The following COMMD10 variants were observed in gnomAD, a reference collection of about 807,000 sequenced individuals.
The protein encoded by COMMD10 is COMM domain containing 10, also known as COMM domain-containing protein 10.
Under a neutral mutation model 28.9 loss-of-function variants are expected in COMMD10, and 33 were observed. The observed-to-expected ratio is 1.14, with a 90% CI of 0.87 to 1.53. The LOEUF (loss-of-function observed/expected upper bound fraction) is 1.53, where lower values mean the gene tolerates loss of function less well. Ranked by LOEUF, COMMD10 falls within the 40% of genes most tolerant of loss-of-function variation. The probability of loss-of-function intolerance (pLI) is 0.00; values close to 1 mark genes in which losing one functional copy is unlikely to be tolerated. For missense variants in COMMD10, 310 were observed against 233.4 expected (o/e 1.33, Z -2.14); for synonymous variants, 110 against 81.7 (o/e 1.35, Z -1.87).
rs184700895 is a variant in COMMD10 at position 116,229,086 on chromosome 5, G to A, written c.511-62431G>A. Among the ~76,000 whole-genome samples the A allele has an allele frequency of 8.1e-3, 1,234 of 152,036 alleles. 23 individuals carry two copies. Among genetic ancestry groups the A allele is most frequent in the African/African-American group, 0.028 (1,157 of 41,482 alleles). On this transcript the variant is annotated intron_variant, in intron 5 of 6. Coordinates refer to ENST00000274458, the MANE Select transcript of COMMD10 (RefSeq NM_016144.4). Reference sequence around the variant, plus strand: ...CGTCTTTACATTTAGGCATAAAAGAGGGAGTACATAGAGAGCATTTATAAT... The same window carrying A: ...CGTCTTTACATTTAGGCATAAAAGAAGGAGTACATAGAGAGCATTTATAAT...
chr5:116,262,691 C>CCTA (rs1750481452), intron 5 of COMMD10, among the ~76,000 whole-genome samples: 1 of 151,750 alleles, frequency 6.6e-6, no homozygotes, highest in African/African-American at 2.4e-5. Context: ...AGATACAATG[C>CCTA]CTAAGCATTT....
chr5:116,215,792 T>A (rs1231715075), intron 5 of COMMD10, among the ~76,000 whole-genome samples: 1 of 149,598 alleles, frequency 6.7e-6, no homozygotes, highest in African/African-American at 2.4e-5. Flanking sequence ...TTTCTCCTCT[T>A]CTCATTTGTT....
intron 4 of COMMD10, among the ~76,000 whole-genome samples, chr5:116,130,293 G>T (rs7726794): frequency 0.2 from 30,831 of 151,756 alleles, 5,065 homozygotes; most frequent in African/African-American, 0.46. Flanking sequence ...TAGAATCTTA[G>T]GTGGTAGTCA....
chr5:116,140,335 T>C (rs72804838), intron 5 of COMMD10, among the ~76,000 whole-genome samples: 4,018 of 151,678 alleles, frequency 0.026, 80 homozygotes, highest in Non-Finnish European at 0.039. Flanking sequence ...ATTTATCCAT[T>C]GATAGATAGT....
chr5:116,094,972 A>G (rs916936577), intron 4 of COMMD10, among the ~76,000 whole-genome samples: 1 of 152,204 alleles, frequency 6.6e-6, no homozygotes, highest in Non-Finnish European at 1.5e-5. Flanking sequence ...AGTTGATGTC[A>G]TGGAGGTAGA....
chr5:116,132,665 G>A lies in COMMD10; in HGVS notation c.400-1403G>A, dbSNP rs138001581. Among the ~76,000 whole-genome samples, 655 of 152,210 alleles carry A rather than the reference G, an allele frequency of 4.3e-3. 2 individuals carry two copies. The highest frequency in any genetic ancestry group is 6.8e-3 in the African/African-American group (282 of 41,562). The stretch of plus-strand genomic sequence containing the variant: ...GCTTTTCAATTAAGACGGCATGTAT[G>A]CCAGTGCTTTTTTATATATGAGAAT... On this transcript the variant is annotated intron_variant, in intron 4 of 6. Transcript: ENST00000274458.
chr5:116,205,054 G>C (rs1748776200), intron 5 of COMMD10, among the ~76,000 whole-genome samples: 1 of 152,124 alleles, frequency 6.6e-6, no homozygotes, highest in African/African-American at 2.4e-5. Flanking sequence ...TGACTGCCAA[G>C]CTCCAGCCGC....
Position 116,097,001 on chromosome 5 carries a change from T to C in COMMD10, c.399+4301T>C, listed in dbSNP as rs144819427. Among the ~76,000 whole-genome samples, 1,111 of 152,230 alleles carry C rather than the reference T, an allele frequency of 7.3e-3. 16 individuals carry two copies. The highest frequency in any genetic ancestry group is 0.026 in the African/African-American group (1,081 of 41,566). ...CGTTTTTTTCCTTGCACTTTAGTAG[T>C]CATAACAATTAAAAATATTTTTGTT... On this transcript the variant is annotated intron_variant, in intron 4 of 6. Coordinates refer to ENST00000274458, the MANE Select transcript of COMMD10 (RefSeq NM_016144.4).
intron 5 of COMMD10, among the ~76,000 whole-genome samples, chr5:116,200,654 G>A (rs73257286): frequency 1.3e-5 from 2 of 151,682 alleles, no homozygotes; most frequent in Non-Finnish European, 2.9e-5. Flanking sequence ...GAAGTTTTCT[G>A]TTGAGATATT....
chr5:116,134,419 A>T (rs949358827), intron 5 of COMMD10, among the ~76,000 whole-genome samples: 5 of 152,124 alleles, frequency 3.3e-5, no homozygotes, highest in Non-Finnish European at 5.9e-5. Context: ...GACCATATAA[A>T]ATTATGATTT....
Position 116,292,722 on chromosome 5 carries a change from C to T in COMMD10, c.*233C>T, listed in dbSNP as rs1271782025. 1 of 418,208 alleles carries T rather than the reference C, an allele frequency of 2.4e-6. No homozygotes were observed. Among genetic ancestry groups the T allele is most frequent in the Non-Finnish European group, 4.2e-6 (1 of 236,640 alleles). 25.9% of individuals were successfully genotyped at this position (418,208 alleles called of 1,614,324 possible). A position where few individuals can be genotyped will look rare whatever the true frequency, so the allele number is the denominator to read the frequency against. The stretch of plus-strand genomic sequence containing the variant: ...CAACAGTAATTATTAAGAACACTTT[C>T]CCTTTAAAGGAAACAAAAGTGAATA... On this transcript the variant is annotated 3_prime_UTR_variant, in exon 7 of 7. Coordinates refer to ENST00000274458, the MANE Select transcript of COMMD10 (RefSeq NM_016144.4).
intron 5 of COMMD10, among the ~76,000 whole-genome samples, chr5:116,141,582 C>G (rs1011914796): frequency 2.6e-5 from 4 of 151,664 alleles, no homozygotes; most frequent in African/African-American, 7.3e-5. Context: ...TCTTCAATTT[C>G]TTTAATCAGT....
intron 2 of COMMD10, among the ~76,000 whole-genome samples, chr5:116,090,771 G>A (rs4920905): frequency 0.74 from 111,991 of 152,100 alleles, 41,678 homozygotes; most frequent in Non-Finnish European, 0.8. Flanking sequence ...TGTTTGCTCT[G>A]GTTAAAAATT....
At chr5:116,215,204 T>TA (rs1366794202) in intron 5 of COMMD10, among the ~76,000 whole-genome samples, 1 of 152,034 alleles carries the variant, frequency 6.6e-6, no homozygotes, top group Non-Finnish European at 1.5e-5. Context: ...GGCAAATGGG[T>TA]AAAAAATTTG....
chr5:116,195,593 A>T (rs1387642338), intron 5 of COMMD10, among the ~76,000 whole-genome samples: 2 of 152,192 alleles, frequency 1.3e-5, no homozygotes, highest in African/African-American at 4.8e-5. Context: ...ACGTAGGAAT[A>T]TAACTAACTG....
At chr5:116,246,956 C>T (rs968863821) in intron 5 of COMMD10, among the ~76,000 whole-genome samples, 2 of 151,876 alleles carry the variant, frequency 1.3e-5, no homozygotes, top group African/African-American at 4.8e-5. Context: ...GCGATTGCAA[C>T]AAAAGCAAAA....
intron 5 of COMMD10, among the ~76,000 whole-genome samples, chr5:116,269,667 C>G (rs1383146360): frequency 6.6e-6 from 1 of 151,618 alleles, no homozygotes; most frequent in East Asian, 1.9e-4. Flanking sequence ...ATATTTTAGC[C>G]TCTTCTTAAG....
chr5:116,140,211 C>T (rs891559256), intron 5 of COMMD10, among the ~76,000 whole-genome samples: 1 of 132,842 alleles, frequency 7.5e-6, no homozygotes, highest in South Asian at 2.2e-4. Flanking sequence ...TATCCTTTTT[C>T]AAGGCTGACT....
At chr5:116,142,121 A>G (rs1352539219) in intron 5 of COMMD10, among the ~76,000 whole-genome samples, 3 of 151,878 alleles carry the variant, frequency 2.0e-5, no homozygotes, top group Admixed American at 1.3e-4. Context: ...TTTAGTGTTT[A>G]TTCAACATAA....
Sources: allele counts gnomAD v4.1 joint callset (sites outside exome capture counted in the v4.1 genomes callset), GRCh38; gene constraint gnomAD v4.1.1; transcripts MANE v1.5; gene names NCBI Gene and HGNC (gene_info 2026-07-23, HGNC 2026-07-21).